The following FBXO38 variants were observed in gnomAD, a reference collection of about 807,000 sequenced individuals.
FBXO38 encodes F-box protein 38.
In FBXO38, 53 loss-of-function variants were observed where a neutral mutation model predicts 131.9. The ratio of observed to expected loss-of-function variants is 0.40; its 90% CI spans 0.32 to 0.51. The LOEUF (loss-of-function observed/expected upper bound fraction) is 0.51, where lower values mean the gene tolerates loss of function less well. Ranked by LOEUF, FBXO38 falls within the 20% of genes least tolerant of loss-of-function variation. The pLI, the probability that FBXO38 is intolerant of heterozygous loss-of-function variation, is 0.53. For missense variants in FBXO38, 1,076 were observed against 1,475.6 expected, an observed-to-expected ratio of 0.73 and a Z score of 4.44; for synonymous variants, 452 against 505.6, an observed-to-expected ratio of 0.89 and a Z score of 1.42.
intron 1 of FBXO38, among the ~76,000 whole-genome samples, chr5:148,386,669 G>A (rs1025453129): frequency 1.3e-5 from 2 of 152,006 alleles, no homozygotes; most frequent in Non-Finnish European, 2.9e-5. Context: ...AAGCCTATAG[G>A]TAACACCTGG....
At chr5:148,421,628 T>C (rs1183773139) in intron 12 of FBXO38, among the ~76,000 whole-genome samples, 2 of 152,146 alleles carry the variant, frequency 1.3e-5, no homozygotes, top group Non-Finnish European at 2.9e-5. Context: ...TACATATATA[T>C]GTATACATAT....
At chr5:148,424,863 TC>T (rs149701262) in intron 13 of FBXO38, among the ~76,000 whole-genome samples, 4,168 of 152,272 alleles carry the variant, frequency 0.027, 195 homozygotes, top group African/African-American at 0.093. Context: ...AAAGCTAGGT[TC>T]CTTGGAGCAT....
rs573474229 is a variant in FBXO38, at chr5:148,411,691, T to G, written c.1093+926T>G. Among the ~76,000 whole-genome samples, 3 of 152,308 alleles carry G rather than the reference T, an allele frequency of 2.0e-5. No homozygotes were observed. In the East Asian group the frequency reaches 5.8e-4, roughly 29 times the overall value. On this transcript the variant is annotated intron_variant, in intron 9 of 21. Transcript: ENST00000340253. ...TAATATAGGTGATTACTTTAAAAAGTCAAGCCATCCTTTTCTAGACAGTTT... is the reference window on the plus strand; with the variant it reads ...TAATATAGGTGATTACTTTAAAAAGGCAAGCCATCCTTTTCTAGACAGTTT...
rs1378709903 is a variant in FBXO38, at chr5:148,414,319, TAAA to T, written c.1264+16_1264+18del. On this transcript the variant is annotated intron_variant, in intron 10 of 21. Coordinates refer to ENST00000340253, the MANE Select transcript of FBXO38 (RefSeq NM_205836.3). ...AATTGGATCTCAGGTATTACAGACT[TAAA>T]AATACAGCTATGTTTTATTGATACT... 6.4e-7 allele frequency: 1 copy of T among 1,570,050 alleles called. No homozygotes were observed. The highest frequency in any genetic ancestry group is 1.9e-5 in the Admixed American group (1 of 52,810).
rs1162761351 is a variant in FBXO38 at position 148,433,719 on chromosome 5, A to G, written c.2839A>G (p.Lys947Glu). 6.2e-7 allele frequency: 1 copy of G among 1,603,302 alleles called. No individual in the cohort carries two copies. The highest frequency in any genetic ancestry group is 1.3e-5 in the African/African-American group (1 of 74,540). Residue 947 changes from lysine to glutamate, a missense_variant, in exon 17 of 22, where the codon AAG becomes GAG. This residue lies in a region of FBXO38 where 282 missense variants were observed against 418.8 expected (regional missense o/e 0.67). Transcript: ENST00000340253. ...AGATCTAGTGCTAAAAGACTGTCCA[A>G]AGATGATGTTCATCCATGGTATGTA... The part of the protein sequence containing the change: ...ITDLVLKDCP[K>E]MMFIHATRCR...
intron 12 of FBXO38, among the ~76,000 whole-genome samples, chr5:148,422,553 G>C (rs1753502042): frequency 6.6e-6 from 1 of 152,140 alleles, no homozygotes; most frequent in Non-Finnish European, 1.5e-5. Flanking sequence ...CCCCCAACTA[G>C]AGTAAGCCAT....
intron 1 of FBXO38, among the ~76,000 whole-genome samples, chr5:148,384,282 A>G (rs1206718412): frequency 6.6e-6 from 1 of 152,206 alleles, no homozygotes; most frequent in Non-Finnish European, 1.5e-5. Context: ...AAAATCCAGC[A>G]TAAAGAACTC....
At chr5:148,439,243 GA>G (rs1262705081) in intron 18 of FBXO38, among the ~76,000 whole-genome samples, 1 of 152,146 alleles carries the variant, frequency 6.6e-6, no homozygotes, top group African/African-American at 2.4e-5. Context: ...TAGAAGACAA[GA>G]AAATGCATTC....
intron 15 of FBXO38, among the ~76,000 whole-genome samples, chr5:148,428,547 G>T (rs1433975234): frequency 1.3e-5 from 2 of 152,170 alleles, no homozygotes; most frequent in Non-Finnish European, 2.9e-5. Context: ...TGTAGCCATG[G>T]ATTGGGTGTA....
rs1581251349 is a variant in FBXO38 at position 148,411,010 on chromosome 5, A to G, written c.1093+245A>G. 4 of 409,408 alleles carry G rather than the reference A, an allele frequency of 9.8e-6. No homozygotes were observed. In the East Asian group the frequency reaches 1.4e-4, roughly 14 times the overall value. 25.4% of individuals were successfully genotyped at this position (409,408 alleles called of 1,614,324 possible). A position where few individuals can be genotyped will look rare whatever the true frequency, so the allele number is the denominator to read the frequency against. Reference sequence around the variant, plus strand: ...AACAATACACCAGAAAAAGAACCTTATCTACATTTGATATTGTCTCCACTT... The same window carrying G: ...AACAATACACCAGAAAAAGAACCTTGTCTACATTTGATATTGTCTCCACTT... On this transcript the variant is annotated intron_variant, in intron 9 of 21. Coordinates refer to ENST00000340253, the MANE Select transcript of FBXO38 (RefSeq NM_205836.3).
chr5:148,418,781 G>A (rs1220512839), intron 12 of FBXO38, among the ~76,000 whole-genome samples: 5 of 152,174 alleles, frequency 3.3e-5, no homozygotes, highest in African/African-American at 1.2e-4. Context: ...AGACTTCACT[G>A]GAAGATTACT....
chr5:148,393,128 T>C (rs1758287369), intron 1 of FBXO38, among the ~76,000 whole-genome samples: 1 of 151,026 alleles, frequency 6.6e-6, no homozygotes, highest in Admixed American at 6.6e-5. Context: ...CATATACCAG[T>C]CCACACACAT....
At chr5:148,429,977 A>T (rs542401130) in intron 15 of FBXO38, among the ~76,000 whole-genome samples, 2 of 151,938 alleles carry the variant, frequency 1.3e-5, no homozygotes, top group South Asian at 4.1e-4. Flanking sequence ...TAACATGGTC[A>T]TAGTAGGTAA....
chr5:148,439,694 CT>C lies in FBXO38; in HGVS notation c.3073del (p.Tyr1025IlefsTer28). On this transcript the variant is annotated frameshift_variant, in exon 19 of 22. Coordinates refer to ENST00000340253, the MANE Select transcript of FBXO38 (RefSeq NM_205836.3). LOFTEE classifies it high-confidence loss of function. The stretch of plus-strand genomic sequence containing the variant: ...AGAAGCTATTTAGTGGTCCCTACCC[CT>C]ATCACATCTGTATTATCCATGAATT... ...EQKLFSGPYPYHICIIHEFSN... is the reference protein window; with the variant it reads ...EQKLFSGPYPXHICIIHEFSN... The C allele has an allele frequency of 1.9e-6, 3 of 1,608,698 alleles. No individual in the cohort carries two copies. Among genetic ancestry groups the C allele is most frequent in the Non-Finnish European group, 2.5e-6 (3 of 1,179,728 alleles).
At chr5:148,391,178 G>A (rs927688903) in intron 1 of FBXO38, among the ~76,000 whole-genome samples, 2 of 152,238 alleles carry the variant, frequency 1.3e-5, no homozygotes, top group African/African-American at 4.8e-5. Flanking sequence ...ATCATTGAAT[G>A]CTGTGGTAGC....
rs1332060558 is a variant in FBXO38, at chr5:148,394,750, C to G, written c.-27C>G. ...TCAAGTAAACAAAAGGGAAGATTTTCTCGTTGATACTGGAGACTGCACAAC... is the reference window on the plus strand; with the variant it reads ...TCAAGTAAACAAAAGGGAAGATTTTGTCGTTGATACTGGAGACTGCACAAC... On this transcript the variant is annotated 5_prime_UTR_variant, in exon 2 of 22. Coordinates refer to ENST00000340253, the MANE Select transcript of FBXO38 (RefSeq NM_205836.3). The G allele has an allele frequency of 6.8e-7, 1 of 1,477,970 alleles. No individual in the cohort carries two copies. Among genetic ancestry groups the G allele is most frequent in the East Asian group, 2.5e-5 (1 of 39,698 alleles). 91.6% of individuals were successfully genotyped at this position (1,477,970 alleles called of 1,614,324 possible).
chr5:148,395,630 G>T (rs1379686418), intron 2 of FBXO38, among the ~76,000 whole-genome samples: 1 of 152,094 alleles, frequency 6.6e-6, no homozygotes, highest in Admixed American at 6.5e-5. Context: ...TTATTTGCTA[G>T]CTCTAGACTA....
At chr5:148,409,074 T>C (rs1561525014) in intron 7 of FBXO38, 50 bp from the exon 8 acceptor site, 8 of 990,004 alleles carry the variant, frequency 8.1e-6, no homozygotes, top group African/African-American at 3.2e-5. Flanking sequence ...ATATAAATAC[T>C]TCACTAAAAA....
At chr5:148,390,970 A>G (rs10515612) in intron 1 of FBXO38, among the ~76,000 whole-genome samples, 2,127 of 152,336 alleles carry the variant, frequency 0.014, 43 homozygotes, top group African/African-American at 0.049. Flanking sequence ...AGGATTGTCA[A>G]GATTCTTAAA....
Sources: gnomAD v4.1 joint callset for allele counts (sites outside exome capture counted in the v4.1 genomes callset) on GRCh38, gnomAD v4.1.1 for gene constraint, gnomAD v4.1.1 regional missense constraint, MANE v1.5 for transcripts, NCBI Gene and HGNC (gene_info 2026-07-23, HGNC 2026-07-21) for gene names.